The following CCDC171 variants were observed in gnomAD, a reference collection of about 807,000 sequenced individuals.
CCDC171 encodes coiled-coil domain containing 171, also known as coiled-coil domain-containing protein 171.
CCDC171 carries 177 observed loss-of-function variants against 168.2 expected under a neutral mutation model. That is an observed-to-expected ratio of 1.05 (90% CI 0.93 to 1.19). CCDC171 has a LOEUF of 1.19. Among genes scored for constraint, CCDC171 ranks in the 50% most tolerant of loss-of-function variants. The pLI, the probability that CCDC171 is intolerant of heterozygous loss-of-function variation, is 0.00. For synonymous variants in CCDC171, 687 were observed against 540.8 expected (o/e 1.27, Z -3.75); for missense variants, 1,991 against 1,539.0 (o/e 1.29, Z -4.91).
At chr9:15,630,680 T>C (rs2045603714) in intron 7 of CCDC171, among the ~76,000 whole-genome samples, 1 of 152,162 alleles carries the variant, frequency 6.6e-6, no homozygotes, top group African/African-American at 2.4e-5. Context: ...GCAGACCTAA[T>C]AGACATCTAC....
chr9:15,713,039 G>T (rs1209160590), intron 11 of CCDC171, among the ~76,000 whole-genome samples: 1 of 152,200 alleles, frequency 6.6e-6, no homozygotes, highest in Non-Finnish European at 1.5e-5. Context: ...AGACAACCTT[G>T]TTACCAATTT....
At chr9:15,746,791 C>T (rs529208840) in intron 18 of CCDC171, among the ~76,000 whole-genome samples, 88 of 152,236 alleles carry the variant, frequency 5.8e-4, no homozygotes, top group Middle Eastern at 6.8e-3. Context: ...TGAAGCAGGG[C>T]GGGGTGTCAC....
intron 2 of CCDC171, among the ~76,000 whole-genome samples, chr9:15,566,113 A>G (rs2039705468): frequency 6.6e-6 from 1 of 152,098 alleles, no homozygotes; most frequent in Admixed American, 6.5e-5. Context: ...AACGATGTTG[A>G]ACATCTTTGC....
At chr9:15,918,317 A>G (rs1178953812) in intron 24 of CCDC171, among the ~76,000 whole-genome samples, 1 of 150,212 alleles carries the variant, frequency 6.7e-6, no homozygotes, top group African/African-American at 2.4e-5. Context: ...CAGTTTTGGA[A>G]GTAGACAAGA....
At chr9:15,564,469 T>TTAAAGA (rs1203851642) in intron 2 of CCDC171, among the ~76,000 whole-genome samples, 1 of 152,270 alleles carries the variant, frequency 6.6e-6, no homozygotes. Flanking sequence ...TTAACCTCTG[T>TTAAAGA]GGCTTTAATT....
chr9:16,068,495 G>C, the CCDC171 span, among the ~76,000 whole-genome samples: 1 of 152,112 alleles, frequency 6.6e-6, no homozygotes, highest in African/African-American at 2.4e-5. Flanking sequence ...GCTCTCTTCA[G>C]TATACTGTGA....
chr9:15,628,591 A>G (rs373808711), intron 7 of CCDC171, among the ~76,000 whole-genome samples: 1 of 152,344 alleles, frequency 6.6e-6, no homozygotes, highest in African/African-American at 2.4e-5. Flanking sequence ...GGCTCCACCT[A>G]TGGGGGCAGG....
chr9:15,780,861 AT>A (rs59791994), intron 20 of CCDC171, among the ~76,000 whole-genome samples: 70,804 of 151,856 alleles, frequency 0.47, 16,680 homozygotes, highest in South Asian at 0.53. Context: ...TAGATATGTG[AT>A]TTTTTTCCAT....
intron 3 of CCDC171, among the ~76,000 whole-genome samples, chr9:16,011,636 G>A (rs1832871931): frequency 1.3e-5 from 2 of 152,098 alleles, no homozygotes; most frequent in Non-Finnish European, 2.9e-5. Context: ...AAAAATAGTG[G>A]AAATGTATCC....
chr9:16,107,741 G>A, the CCDC171 span, among the ~76,000 whole-genome samples: 42,507 of 151,758 alleles, frequency 0.28, 6,390 homozygotes, highest in Non-Finnish European at 0.34. Context: ...TGACTTTCTT[G>A]ACAAAAAAAA....
At position 15,821,781 on chromosome 9, in the gene CCDC171, G is replaced by T. The variant is rs1483730194; in HGVS notation, c.3268-24921G>T. Among the ~76,000 whole-genome samples, 2 of 116,144 alleles carry T rather than the reference G, an allele frequency of 1.7e-5. 1 individual carries two copies. Among genetic ancestry groups the T allele is most frequent in the Non-Finnish European group, 3.8e-5 (2 of 52,092 alleles). 76.2% of individuals were successfully genotyped at this position (116,144 alleles called of 152,430 possible). ...GCCCAAGGTAATTTATACATTCAAT[G>T]CCATCCCCATCAAGCTACCAATGAC... On this transcript the variant is annotated intron_variant, in intron 21 of 25. Coordinates refer to ENST00000380701, the MANE Select transcript of CCDC171 (RefSeq NM_173550.4).
intron 23 of CCDC171, among the ~76,000 whole-genome samples, chr9:15,859,115 A>G (rs537178608): frequency 2.2e-4 from 33 of 152,074 alleles, no homozygotes; most frequent in African/African-American, 5.8e-4. Flanking sequence ...ATTTTTATCA[A>G]TTTTATCAAA....
chr9:16,039,486 T>C (rs1402005529), upstream of CCDC171, among the ~76,000 whole-genome samples: 3 of 152,190 alleles, frequency 2.0e-5, no homozygotes, highest in South Asian at 4.1e-4. Flanking sequence ...CACAAAGACA[T>C]GGAAGAATAC....
At chr9:15,575,730 C>G (rs977337629) in intron 3 of CCDC171, among the ~76,000 whole-genome samples, 2 of 152,218 alleles carry the variant, frequency 1.3e-5, no homozygotes, top group Non-Finnish European at 2.9e-5. Flanking sequence ...TTTAACAAGT[C>G]ATAGTAGTGT....
At chr9:16,043,504 C>A (rs976034991) in intron 1 of CCDC171, among the ~76,000 whole-genome samples, 21 of 152,124 alleles carry the variant, frequency 1.4e-4, no homozygotes, top group African/African-American at 5.1e-4. Flanking sequence ...AAACCATTCT[C>A]AGAAATAAAA....
At chr9:15,990,119 A>G (rs1487417849) in intron 3 of CCDC171, among the ~76,000 whole-genome samples, 2 of 152,142 alleles carry the variant, frequency 1.3e-5, no homozygotes, top group East Asian at 1.9e-4. Context: ...TCCAAGACAC[A>G]TAATTGTCAG....
chr9:15,827,279 C>T (rs1202277484), intron 21 of CCDC171, among the ~76,000 whole-genome samples: 2 of 152,046 alleles, frequency 1.3e-5, no homozygotes, highest in Non-Finnish European at 2.9e-5. Context: ...GAAGGGGGGA[C>T]ATGTGGGTGT....
intron 3 of CCDC171, among the ~76,000 whole-genome samples, chr9:15,572,665 G>T (rs1211693144): frequency 2.6e-5 from 4 of 152,172 alleles, no homozygotes; most frequent in Non-Finnish European, 5.9e-5. Flanking sequence ...GTCTCTCTAA[G>T]TGAAACTGGC....
At chr9:15,692,707 T>A (rs1240895154) in intron 10 of CCDC171, among the ~76,000 whole-genome samples, 1 of 151,700 alleles carries the variant, frequency 6.6e-6, no homozygotes, top group Non-Finnish European at 1.5e-5. Context: ...TTTTGTATAT[T>A]TAGTAGAGAC....
Sources: allele counts gnomAD v4.1 joint callset (sites outside exome capture counted in the v4.1 genomes callset), GRCh38; gene constraint gnomAD v4.1.1; transcripts MANE v1.5; gene names NCBI Gene and HGNC (gene_info 2026-07-23, HGNC 2026-07-21).